Variants in MCTP1 observed in about 807,000 individuals in gnomAD.
The protein encoded by MCTP1 is multiple C2 and transmembrane domain containing 1.
Under a neutral mutation model 120.6 loss-of-function variants are expected in MCTP1, and 69 were observed. The ratio of observed to expected loss-of-function variants is 0.57; its 90% CI spans 0.47 to 0.70. MCTP1 has a LOEUF of 0.70. Ranked by LOEUF, MCTP1 falls within the 30% of genes least tolerant of loss-of-function variation. The pLI is 0.00. For missense variants in MCTP1, 1,203 were observed against 1,248.8 expected, an observed-to-expected ratio of 0.96 and a Z score of 0.55; for synonymous variants, 529 against 493.1, an observed-to-expected ratio of 1.07 and a Z score of -0.96.
intron 1 of MCTP1, among the ~76,000 whole-genome samples, chr5:95,213,550 C>T (rs1215824999): frequency 2.3e-4 from 35 of 151,926 alleles, no homozygotes; most frequent in Admixed American, 4.6e-4. Flanking sequence ...GAGCCTGCAT[C>T]GCCAAGTCAA....
chr5:94,845,724 T>G (rs1792178821), intron 17 of MCTP1, among the ~76,000 whole-genome samples: 1 of 152,066 alleles, frequency 6.6e-6, no homozygotes, highest in African/African-American at 2.4e-5. Context: ...CTAATTTTTG[T>G]ATTTTTTTGT....
At chr5:94,940,324 G>A (rs1490430941) in intron 4 of MCTP1, 129 bp from the exon 5 acceptor site, 2 of 546,640 alleles carry the variant, frequency 3.7e-6, no homozygotes, top group Non-Finnish European at 6.3e-6. Flanking sequence ...GACAATTTTT[G>A]TTATTAAAAT....
Position 94,905,045 on chromosome 5 carries a change from T to C in MCTP1, c.1652+4206A>G, listed in dbSNP as rs146424616. Among the ~76,000 whole-genome samples the C allele has an allele frequency of 1.4e-3, 214 of 152,242 alleles. 1 individual carries two copies. Among genetic ancestry groups the C allele is most frequent in the Non-Finnish European group, 7.2e-4 (49 of 68,010 alleles). ...AATGCCAAGAAAAGCAGGTTCAATT[T>C]TAAATAGGCTTGGTATGGACGCCTC... On this transcript the variant is annotated intron_variant, in intron 10 of 22. Transcript: ENST00000515393.
At chr5:95,247,004 G>A (rs1333895349) in intron 1 of MCTP1, among the ~76,000 whole-genome samples, 11 of 152,166 alleles carry the variant, frequency 7.2e-5, no homozygotes, top group Non-Finnish European at 1.6e-4. Flanking sequence ...GAATTCAGCT[G>A]TGAATCCATT....
At chr5:95,148,205 T>A (rs960293897) in intron 1 of MCTP1, among the ~76,000 whole-genome samples, 1 of 152,168 alleles carries the variant, frequency 6.6e-6, no homozygotes, top group Non-Finnish European at 1.5e-5. Flanking sequence ...TAGTATCTCA[T>A]AGGGGGTCTC....
At chr5:94,756,166 C>CCCA (rs1769805078) in intron 19 of MCTP1, among the ~76,000 whole-genome samples, 2 of 152,130 alleles carry the variant, frequency 1.3e-5, no homozygotes, top group Admixed American at 1.3e-4. Flanking sequence ...CTACAACAAC[C>CCCA]CTATGAGGTT....
At chr5:94,765,708 G>GAAAAAAAAAAAAAAAAA (rs70978128) in intron 19 of MCTP1, among the ~76,000 whole-genome samples, 1 of 109,122 alleles carries the variant, frequency 9.2e-6, no homozygotes, top group Admixed American at 9.6e-5. Context: ...TCTCAAAAAA[G>GAAAAAAAAAAAAAAAAA]AAAAAAAAAA....
At chr5:95,031,565 A>C (rs1397579482) in intron 1 of MCTP1, among the ~76,000 whole-genome samples, 2 of 152,222 alleles carry the variant, frequency 1.3e-5, no homozygotes, top group Non-Finnish European at 2.9e-5. Flanking sequence ...GGAGAAATAA[A>C]GTCTTTTCCA....
intron 19 of MCTP1, among the ~76,000 whole-genome samples, chr5:94,740,752 C>G (rs780069044): frequency 1.3e-5 from 2 of 152,106 alleles, no homozygotes; most frequent in Non-Finnish European, 2.9e-5. Context: ...GCCAGGCTTT[C>G]GAAGAGATAC....
At chr5:94,967,569 A>C (rs1825912596) in intron 2 of MCTP1, among the ~76,000 whole-genome samples, 1 of 152,242 alleles carries the variant, frequency 6.6e-6, no homozygotes, top group East Asian at 1.9e-4. Flanking sequence ...TTGAAGAAGT[A>C]AAATGTCAGC....
At chr5:94,997,582 T>A (rs1832854299) in intron 2 of MCTP1, among the ~76,000 whole-genome samples, 2 of 152,316 alleles carry the variant, frequency 1.3e-5, no homozygotes, top group South Asian at 2.1e-4. Flanking sequence ...GTTTTGGGCA[T>A]GTCAGTCATG....
At chr5:95,104,082 C>T (rs1032932917) in intron 1 of MCTP1, among the ~76,000 whole-genome samples, 8 of 152,072 alleles carry the variant, frequency 5.3e-5, no homozygotes, top group African/African-American at 1.9e-4. Flanking sequence ...GAATGCCTTA[C>T]GTATCAATTA....
intron 1 of MCTP1, among the ~76,000 whole-genome samples, chr5:95,027,818 C>T (rs1408832203): frequency 1.3e-5 from 2 of 152,102 alleles, no homozygotes; most frequent in Non-Finnish European, 2.9e-5. Context: ...GCCCTTACAA[C>T]AGAATATAAT....
At chr5:94,723,765 G>A (rs1266250973) in intron 19 of MCTP1, among the ~76,000 whole-genome samples, 1 of 152,036 alleles carries the variant, frequency 6.6e-6, no homozygotes, top group Non-Finnish European at 1.5e-5. Context: ...AATGTAAAAA[G>A]AATTTGGAGA....
intron 1 of MCTP1, among the ~76,000 whole-genome samples, chr5:95,259,598 A>G (rs1166377396): frequency 6.6e-6 from 1 of 152,130 alleles, no homozygotes; most frequent in Non-Finnish European, 1.5e-5. Context: ...TTACAAAAAA[A>G]CCATTGCTGT....
At chr5:94,927,981 T>C (rs1813587443) in intron 6 of MCTP1, among the ~76,000 whole-genome samples, 3 of 152,110 alleles carry the variant, frequency 2.0e-5, no homozygotes, top group South Asian at 2.1e-4. Context: ...ATAGAAGATA[T>C]GATAATCAGA....
intron 17 of MCTP1, among the ~76,000 whole-genome samples, chr5:94,863,492 G>A (rs1355344144): frequency 6.6e-6 from 1 of 151,770 alleles, no homozygotes; most frequent in South Asian, 2.1e-4. Context: ...CCTTCAATAT[G>A]TTCAATGTAA....
At chr5:95,198,322 T>A (rs750546373) in intron 1 of MCTP1, among the ~76,000 whole-genome samples, 4 of 152,164 alleles carry the variant, frequency 2.6e-5, no homozygotes, top group Non-Finnish European at 4.4e-5. Context: ...AGTTTACAAT[T>A]TTTTGACTTT....
At chr5:95,214,414 G>GTGGGACTGTAAACTA in intron 1 of MCTP1, among the ~76,000 whole-genome samples, 1 of 152,122 alleles carries the variant, frequency 6.6e-6, no homozygotes, top group East Asian at 1.9e-4. Flanking sequence ...TACACTGTTG[G>GTGGGACTGTAAACTA]TGGGACTGTA....
Sources: allele counts gnomAD v4.1 joint callset (sites outside exome capture counted in the v4.1 genomes callset), GRCh38; gene constraint gnomAD v4.1.1; transcripts MANE v1.5; gene names NCBI Gene and HGNC (gene_info 2026-07-23, HGNC 2026-07-21).